GRIN2D: variants seen among roughly 807,000 people sequenced by gnomAD.
The protein encoded by GRIN2D is glutamate ionotropic receptor NMDA type subunit 2D, also known as glutamate receptor ionotropic, NMDA 2D.
In GRIN2D, 37 loss-of-function variants were observed where a neutral mutation model predicts 103.2. The ratio of observed to expected loss-of-function variants is 0.36; its 90% confidence interval spans 0.28 to 0.47. GRIN2D has a LOEUF of 0.47. Ranked by LOEUF, GRIN2D falls within the 20% of genes least tolerant of loss-of-function variation. The pLI is 1.00. For synonymous variants in GRIN2D, 845 were observed against 885.6 expected (o/e 0.95, Z 0.81); for missense variants, 1,557 against 1,910.6 (o/e 0.81, Z 3.45).
At chr19:48,412,026 C>T (rs942647141) in intron 4 of GRIN2D, among the ~76,000 whole-genome samples, 1 of 150,862 alleles carries the variant, frequency 6.6e-6, no homozygotes, top group African/African-American at 2.4e-5. Flanking sequence ...GACCCTATCT[C>T]TACTTAAAAA....
At position 48,416,085 on chromosome 19, in the gene GRIN2D, C is replaced by A. The variant is rs1220296943; in HGVS notation, c.1665C>A (p.Pro555=). The change falls in exon 8 of 14, where the codon CCC becomes CCA. Residue 555 remains proline (P), a synonymous_variant. Transcript: ENST00000263269. ...ERSEIVDFSV[P]FVETGISVMV... ...CCGAGATCGTGGACTTCTCCGTCCCCTTCGTGGAGACCGGCATCAGCGTCA... is the reference window on the plus strand; with the variant it reads ...CCGAGATCGTGGACTTCTCCGTCCCATTCGTGGAGACCGGCATCAGCGTCA... The A allele has an allele frequency of 1.2e-6, 2 of 1,614,038 alleles. No individual in the cohort carries two copies.
chr19:48,419,596 T>C lies in GRIN2D; in HGVS notation c.1873T>C (p.Ser625Pro). The change falls in exon 10 of 14, where the codon TCA (serine) becomes CCA (proline). Residue 625 changes from serine (S) to proline (P), a missense_variant. Physicochemically the swap from Ser to Pro is moderately conservative, Grantham distance 74 (BLOSUM62 -1). Around this residue, in one of 7 missense-constraint regions of GRIN2D, gnomAD observed 197 missense variants for 334.1 expected, o/e 0.59. Transcript: ENST00000263269. ...SLATGKRPGG[S>P]TFTIGKSIWL... ...CTGGCCCCCTGCAGGCCCTGGCGGT[T>C]CAACCTTCACCATTGGGAAATCCAT... 1 of 1,613,078 alleles carries C rather than the reference T, an allele frequency of 6.2e-7. No homozygotes were observed. The highest frequency in any genetic ancestry group is 8.5e-7 in the Non-Finnish European group (1 of 1,179,562).
chr19:48,428,910 A>C (rs1242707207), intron 11 of GRIN2D, among the ~76,000 whole-genome samples: 1 of 152,192 alleles, frequency 6.6e-6, no homozygotes, highest in African/African-American at 2.4e-5. Context: ...GCATCTGCTA[A>C]GTGGCAGAAC....
At position 48,438,985 on chromosome 19, in the gene GRIN2D, G is replaced by C. The variant is rs1971262588; in HGVS notation, c.2253-2784G>C. 4.7e-5 allele frequency among the ~76,000 whole-genome samples: 7 copies of C among 149,972 alleles called. No individual in the cohort carries two copies. In the South Asian group the frequency reaches 1.5e-3, roughly 32 times the overall value. On this transcript the variant is annotated intron_variant, in intron 11 of 13. Coordinates refer to ENST00000263269, the MANE Select transcript of GRIN2D (RefSeq NM_000836.4). ...TATAGAGGCAGGGTATCACTATGTG[G>C]CCCAGGCTGGTCTCAAACTCCTGGG...
chr19:48,410,345 C>T (rs1407769061), intron 4 of GRIN2D, among the ~76,000 whole-genome samples: 2 of 150,696 alleles, frequency 1.3e-5, no homozygotes, highest in Non-Finnish European at 3.0e-5. Context: ...CTGGCCGACA[C>T]AGCAAAACCC....
intron 3 of GRIN2D, among the ~76,000 whole-genome samples, chr19:48,402,509 A>G (rs535668983): frequency 1.3e-3 from 196 of 151,124 alleles, no homozygotes; most frequent in African/African-American, 3.8e-3. Flanking sequence ...TGAGGTCAGG[A>G]GATCGAGACC....
intron 4 of GRIN2D, among the ~76,000 whole-genome samples, chr19:48,412,978 A>T (rs1272913138): frequency 7.2e-6 from 1 of 138,800 alleles, no homozygotes; most frequent in Non-Finnish European, 1.5e-5. Flanking sequence ...TCTACTAAAA[A>T]TACAAAAATT....
At chr19:48,435,297 T>TG (rs35341444) in intron 11 of GRIN2D, among the ~76,000 whole-genome samples, 1 of 2,496 alleles carries the variant, frequency 4.0e-4, no homozygotes, top group East Asian at 0.018. Flanking sequence ...CAGCCACTTG[T>TG]TTTTTTTTTT....
intron 4 of GRIN2D, among the ~76,000 whole-genome samples, chr19:48,413,457 T>A (rs1254957607): frequency 1.1e-4 from 16 of 146,320 alleles, no homozygotes; most frequent in South Asian, 2.2e-4. Context: ...CCAGCCTGGG[T>A]GACAGAGCAA....
chr19:48,434,282 C>G (rs1016454849), intron 11 of GRIN2D, among the ~76,000 whole-genome samples: 5 of 151,768 alleles, frequency 3.3e-5, no homozygotes, highest in African/African-American at 1.2e-4. Flanking sequence ...GAGATGCAGT[C>G]TCGCTCTGTC....
chr19:48,427,122 C>T (rs541129348), intron 11 of GRIN2D, among the ~76,000 whole-genome samples: 317 of 151,994 alleles, frequency 2.1e-3, no homozygotes, highest in African/African-American at 6.8e-3. Flanking sequence ...GAGTTCGAGA[C>T]CAGCCTGGCC....
rs1336547237 is a variant in GRIN2D at position 48,443,622 on chromosome 19, C to T, written c.3696C>T (p.His1232=). 3.7e-6 allele frequency: 4 copies of T among 1,079,184 alleles called. No individual in the cohort carries two copies. The highest frequency in any genetic ancestry group is 4.2e-4 in the Middle Eastern group (1 of 2,408). The allele number at this position is 1,079,184 out of a possible 1,614,324, so 66.9% of individuals were successfully genotyped here. The part of the protein sequence containing the change: ...RRARCGCPRS[H]PHRPRASHRT... ...CCCGCTGCGGGTGCCCGCGGTCGCA[C>T]CCGCACCGCCCGCGGGCCTCGCACC... Residue 1232 remains histidine, a synonymous_variant, in exon 14 of 14, where the codon CAC becomes CAT. Coordinates refer to ENST00000263269, the MANE Select transcript of GRIN2D (RefSeq NM_000836.4). The surrounding 1 kb of genome is among the most constrained non-coding windows in gnomAD (Gnocchi z 8.9).
In GRIN2D at chr19:48,443,414, C is replaced by A. The variant is rs1971332990; in HGVS notation, c.3488C>A (p.Ala1163Asp). The A allele has an allele frequency of 1.4e-6, 2 of 1,405,880 alleles. No homozygotes were observed. The highest frequency in any genetic ancestry group is 3.0e-5 in the South Asian group (2 of 66,890). 87.1% of individuals were successfully genotyped at this position (1,405,880 alleles called of 1,614,324 possible). Reference sequence around the variant, plus strand: ...GTCGACAAGCTCGGGGGCTGGCGCGCCGGGAGCTGGGACTACCTGCCCCCG... The same window carrying A: ...GTCGACAAGCTCGGGGGCTGGCGCGACGGGAGCTGGGACTACCTGCCCCCG... ...WSVDKLGGWR[A>D]GSWDYLPPRS... The change falls in exon 14 of 14, where the codon GCC becomes GAC. Residue 1163 changes from alanine to aspartate, a missense_variant. Physicochemically the swap from Ala to Asp is moderately radical, Grantham distance 126. Transcript: ENST00000263269. This position sits in a 1 kb window ranked among gnomAD's most constrained non-coding sequence, Gnocchi z 8.9.
intron 11 of GRIN2D, among the ~76,000 whole-genome samples, chr19:48,436,962 G>A (rs1410924354): frequency 6.6e-6 from 1 of 152,158 alleles, no homozygotes; most frequent in African/African-American, 2.4e-5. Context: ...CCAAGAGGGG[G>A]TGGTGAGCTG....
Position 48,421,733 on chromosome 19 carries a change from G to T in GRIN2D, c.2092-52G>T. The T allele has an allele frequency of 6.6e-7, 1 of 1,518,286 alleles. No individual in the cohort carries two copies. Among genetic ancestry groups the T allele is most frequent in the Non-Finnish European group, 9.1e-7 (1 of 1,101,314 alleles). 94.1% of individuals were successfully genotyped at this position (1,518,286 alleles called of 1,614,324 possible). A position where few individuals can be genotyped will look rare whatever the true frequency, so the allele number is the denominator to read the frequency against. ...GTGTGTCTCAGAATGGGTGATTTAT[G>T]TTAGGGATGTCCCTGCGGAGGGTGC... is the stretch of plus-strand genomic sequence containing the variant. On this transcript the variant is annotated intron_variant, in intron 10 of 13. Transcript: ENST00000263269. This position sits in a 1 kb window ranked among gnomAD's most constrained non-coding sequence, Gnocchi z 4.8.
chr19:48,428,723 C>T (rs565141328), intron 11 of GRIN2D, among the ~76,000 whole-genome samples: 14 of 152,258 alleles, frequency 9.2e-5, no homozygotes, highest in African/African-American at 3.4e-4. Context: ...TTAATGATCT[C>T]ATTTTAACTG....
Position 48,443,019 on chromosome 19 carries a change from C to T in GRIN2D, c.3093C>T (p.Pro1031=), listed in dbSNP as rs1030317851. The T allele has an allele frequency of 9.4e-7, 1 of 1,064,646 alleles. No homozygotes were observed. The highest frequency in any genetic ancestry group is 1.1e-6 in the Non-Finnish European group (1 of 884,040). 65.9% of individuals were successfully genotyped at this position (1,064,646 alleles called of 1,614,324 possible). ...CCTTCCCCGGCTTCCCGTCGCCGCC[C>T]GCGCCCCCCGCCGCCGCGGCCACCG... The part of the protein sequence containing the change: ...AGAFPGFPSP[P]APPAAAATAV... Residue 1031 remains proline, a synonymous_variant, in exon 14 of 14, where the codon CCC becomes CCT. Transcript: ENST00000263269. This position sits in a 1 kb window ranked among gnomAD's most constrained non-coding sequence, Gnocchi z 8.9.
chr19:48,398,417 G>T lies in GRIN2D; in HGVS notation c.25G>T (p.Gly9Cys). The change falls in exon 3 of 14, where the codon GGC (glycine) becomes TGC (cysteine). Residue 9 changes from glycine (G) to cysteine (C), a missense_variant. Coordinates refer to ENST00000263269, the MANE Select transcript of GRIN2D (RefSeq NM_000836.4). Reference sequence around the variant, plus strand: ...GATGCGCGGCGCCGGTGGCCCCCGCGGCCCTCGGGGCCCCGCTAAGATGCT... The same window carrying T: ...GATGCGCGGCGCCGGTGGCCCCCGCTGCCCTCGGGGCCCCGCTAAGATGCT... MRGAGGPR[G>C]PRGPAKMLLL... The T allele has an allele frequency of 8.9e-7, 1 of 1,118,476 alleles. No homozygotes were observed. Among genetic ancestry groups the T allele is most frequent in the South Asian group, 4.2e-5 (1 of 23,874 alleles). 69.3% of individuals were successfully genotyped at this position (1,118,476 alleles called of 1,614,324 possible). A position where few individuals can be genotyped will look rare whatever the true frequency, so the allele number is the denominator to read the frequency against.
At chr19:48,406,101 A>C (rs537242449) in intron 4 of GRIN2D, among the ~76,000 whole-genome samples, 2 of 152,268 alleles carry the variant, frequency 1.3e-5, no homozygotes, top group African/African-American at 4.8e-5. Context: ...CGTCTATTGG[A>C]ATTAGCTAGA....
Sources: allele counts gnomAD v4.1 joint callset (sites outside exome capture counted in the v4.1 genomes callset), GRCh38; gene constraint gnomAD v4.1.1; regional missense constraint gnomAD v4.1.1; non-coding constraint Gnocchi (gnomAD v3.1); transcripts MANE v1.5; gene names NCBI Gene and HGNC (gene_info 2026-07-23, HGNC 2026-07-21).